Variants in SLC4A10 observed in about 807,000 individuals in gnomAD.
SLC4A10 encodes sodium-driven chloride bicarbonate exchanger.
Under a neutral mutation model 137.7 loss-of-function variants are expected in SLC4A10, and 42 were observed. That is an observed-to-expected ratio of 0.30 (90% CI 0.24 to 0.39). SLC4A10 has a LOEUF of 0.39. Among genes scored for constraint, SLC4A10 ranks in the 10% least tolerant of loss-of-function variants. SLC4A10 has a pLI of 1.00. For synonymous variants in SLC4A10, 474 were observed against 464.1 expected (o/e 1.02, Z -0.27); for missense variants, 925 against 1,355.0 (o/e 0.68, Z 4.98).
At chr2:161,922,948 C>T (rs1458908111) in intron 15 of SLC4A10, among the ~76,000 whole-genome samples, 1 of 152,138 alleles carries the variant, frequency 6.6e-6, no homozygotes. Context: ...GTTTAGTGCA[C>T]ACAGGAAGGT....
intron 8 of SLC4A10, 84 bp from the exon 9 acceptor site, chr2:161,879,047 C>T (rs1441026348): frequency 1.7e-6 from 2 of 1,187,676 alleles, no homozygotes; most frequent in Admixed American, 2.2e-5. Context: ...TCATGGATTA[C>T]TATATGTGAA....
intron 4 of SLC4A10, among the ~76,000 whole-genome samples, chr2:161,842,944 T>C (rs1490753032): frequency 6.6e-6 from 1 of 152,296 alleles, no homozygotes; most frequent in African/African-American, 2.4e-5. Flanking sequence ...CCTATGTGAC[T>C]TGAAGGAAGG....
chr2:161,904,222 T>G, intron 13 of SLC4A10, 44 bp downstream of exon 13: 1 of 1,531,806 alleles, frequency 6.5e-7, no homozygotes, highest in Non-Finnish European at 8.8e-7. Context: ...ATAATCCATT[T>G]TTAAGATTCA....
At chr2:161,792,656 TC>T (rs1343826854) in intron 2 of SLC4A10, among the ~76,000 whole-genome samples, 2 of 152,060 alleles carry the variant, frequency 1.3e-5, no homozygotes, top group Non-Finnish European at 2.9e-5. Context: ...TTCTATAGAG[TC>T]CTCTCACAAT....
chr2:161,729,305 C>T (rs147013126), intron 1 of SLC4A10, among the ~76,000 whole-genome samples: 37 of 152,186 alleles, frequency 2.4e-4, no homozygotes, highest in Admixed American at 6.5e-4. Context: ...AAACAAAGAA[C>T]GCCTCCCCCA....
chr2:161,677,451 A>G (rs2040390675), intron 1 of SLC4A10, among the ~76,000 whole-genome samples: 1 of 152,220 alleles, frequency 6.6e-6, no homozygotes, highest in Non-Finnish European at 1.5e-5. Context: ...GCTCTGCAGA[A>G]CACCAGAAAA....
At chr2:161,885,530 T>C (rs2062193923) in intron 10 of SLC4A10, among the ~76,000 whole-genome samples, 1 of 152,204 alleles carries the variant, frequency 6.6e-6, no homozygotes, top group African/African-American at 2.4e-5. Context: ...TCAATAAATC[T>C]TTAGAACATG....
chr2:161,805,009 G>T (rs749839011), intron 3 of SLC4A10, among the ~76,000 whole-genome samples: 1 of 152,016 alleles, frequency 6.6e-6, no homozygotes, highest in Non-Finnish European at 1.5e-5. Context: ...AGACATACCC[G>T]GACTAGACAA....
At chr2:161,630,440 T>G (rs191714026) in intron 1 of SLC4A10, among the ~76,000 whole-genome samples, 13 of 151,776 alleles carry the variant, frequency 8.6e-5, no homozygotes, top group Admixed American at 7.2e-4. Context: ...AATAGATAGA[T>G]TCATATATAT....
chr2:161,942,666 C>A, intron 15 of SLC4A10, 126 bp from the exon 16 acceptor site: 1 of 701,598 alleles, frequency 1.4e-6, no homozygotes, highest in South Asian at 1.8e-5. Context: ...TTTAGGATAA[C>A]CTAACTACTT....
chr2:161,653,487 T>C (rs976954137), intron 1 of SLC4A10, among the ~76,000 whole-genome samples: 2 of 152,234 alleles, frequency 1.3e-5, no homozygotes, highest in African/African-American at 4.8e-5. Flanking sequence ...TTCCCATTTT[T>C]CCACATCCTC....
chr2:161,974,910 G>A (rs1345501421), intron 24 of SLC4A10, among the ~76,000 whole-genome samples: 1 of 152,048 alleles, frequency 6.6e-6, no homozygotes, highest in Non-Finnish European at 1.5e-5. Context: ...TCTCTTCTCT[G>A]TCTCCCTCTC....
At chr2:161,770,096 C>T (rs1364058376) in intron 1 of SLC4A10, among the ~76,000 whole-genome samples, 1 of 151,874 alleles carries the variant, frequency 6.6e-6, no homozygotes, top group Non-Finnish European at 1.5e-5. Flanking sequence ...AAGCTTCATT[C>T]ACCTTTAGTA....
chr2:161,931,549 T>G (rs1478114564), intron 15 of SLC4A10: 2 of 152,218 alleles, frequency 1.3e-5, no homozygotes, highest in African/African-American at 2.4e-5. Context: ...TTTTAAATCT[T>G]TAAGTAGTGA....
intron 3 of SLC4A10, among the ~76,000 whole-genome samples, chr2:161,825,742 T>A (rs1270075875): frequency 6.6e-6 from 1 of 152,198 alleles, no homozygotes; most frequent in Non-Finnish European, 1.5e-5. Context: ...TTTATGTTTC[T>A]CAGGTAAGAA....
intron 5 of SLC4A10, among the ~76,000 whole-genome samples, chr2:161,856,786 AC>A (rs967145667): frequency 9.9e-5 from 15 of 152,216 alleles, no homozygotes; most frequent in African/African-American, 3.4e-4. Context: ...TAATGCTCAA[AC>A]CTGGTTCTTA....
chr2:161,777,718 A>G (rs2052530992), intron 2 of SLC4A10, among the ~76,000 whole-genome samples: 1 of 151,920 alleles, frequency 6.6e-6, no homozygotes, highest in South Asian at 2.1e-4. Flanking sequence ...CAGCACGGGA[A>G]AGACCCACCC....
chr2:161,872,117 A>G (rs1156294929), intron 6 of SLC4A10, among the ~76,000 whole-genome samples, 176 bp from the exon 7 acceptor site: 2 of 152,174 alleles, frequency 1.3e-5, no homozygotes, highest in African/African-American at 4.8e-5. Context: ...TCTACCTGTT[A>G]CTGATAATAA....
chr2:161,737,218 G>T (rs2047433779), intron 1 of SLC4A10, among the ~76,000 whole-genome samples: 1 of 152,118 alleles, frequency 6.6e-6, no homozygotes, highest in Non-Finnish European at 1.5e-5. Flanking sequence ...CCAGCTAAAT[G>T]TTAGAAGGGT....
Sources: gnomAD v4.1 joint callset for allele counts (sites outside exome capture counted in the v4.1 genomes callset) on GRCh38, gnomAD v4.1.1 for gene constraint, MANE v1.5 for transcripts, NCBI Gene and HGNC (gene_info 2026-07-23, HGNC 2026-07-21) for gene names.